CSMD1: variants seen among roughly 807,000 people sequenced by gnomAD.
CSMD1 encodes CUB and Sushi multiple domains 1.
In CSMD1, 213 loss-of-function variants were observed where a neutral mutation model predicts 417.5. The ratio of observed to expected loss-of-function variants is 0.51; its 90% CI spans 0.46 to 0.57. The LOEUF is 0.57. CSMD1 is among the 20% of genes least tolerant of loss of function. The pLI, the probability that CSMD1 is intolerant of heterozygous loss-of-function variation, is 0.00. For missense variants in CSMD1, 6,923 were observed against 4,529.7 expected, an observed-to-expected ratio of 1.53 and a Z score of -15.17; for synonymous variants, 2,862 against 1,736.8, an observed-to-expected ratio of 1.65 and a Z score of -16.11.
intron 5 of CSMD1, among the ~76,000 whole-genome samples, chr8:3,966,187 C>T (rs1812668094): frequency 6.6e-6 from 1 of 152,014 alleles, no homozygotes; most frequent in Non-Finnish European, 1.5e-5. Flanking sequence ...GTCTAAGGTA[C>T]CACGGTATAA....
intron 2 of CSMD1, among the ~76,000 whole-genome samples, chr8:4,523,979 C>G (rs1010894859): frequency 4.6e-5 from 7 of 152,072 alleles, no homozygotes; most frequent in Admixed American, 3.9e-4. Flanking sequence ...TTCCTACGCT[C>G]TCCTCAAATG....
At chr8:3,530,083 G>C (rs1056120107) in intron 10 of CSMD1, among the ~76,000 whole-genome samples, 4 of 152,084 alleles carry the variant, frequency 2.6e-5, no homozygotes, top group African/African-American at 9.7e-5. Context: ...CATAATCCAT[G>C]ACACTAAAGG....
chr8:4,133,251 A>G (rs1379114622), intron 3 of CSMD1, among the ~76,000 whole-genome samples: 3 of 152,140 alleles, frequency 2.0e-5, no homozygotes, highest in African/African-American at 4.8e-5. Context: ...ACATCTAATA[A>G]TATTATTAAG....
At chr8:3,502,062 T>C (rs1465323528) in intron 10 of CSMD1, among the ~76,000 whole-genome samples, 2 of 152,144 alleles carry the variant, frequency 1.3e-5, no homozygotes, top group Non-Finnish European at 2.9e-5. Flanking sequence ...GAAATAATCA[T>C]ATATCTTGGA....
chr8:4,440,736 C>A (rs1020823156), intron 2 of CSMD1, among the ~76,000 whole-genome samples: 9 of 152,102 alleles, frequency 5.9e-5, no homozygotes, highest in Non-Finnish European at 1.0e-4. Context: ...TGGTTCATGC[C>A]TATAATCCCA....
intron 5 of CSMD1, among the ~76,000 whole-genome samples, chr8:3,908,634 T>C (rs1465603979): frequency 1.3e-5 from 2 of 152,128 alleles, no homozygotes; most frequent in Non-Finnish European, 2.9e-5. Context: ...AAAAAATCTG[T>C]CTTATTTTTT....
At chr8:4,460,724 A>T (rs1799763147) in intron 2 of CSMD1, among the ~76,000 whole-genome samples, 1 of 152,130 alleles carries the variant, frequency 6.6e-6, no homozygotes, top group African/African-American at 2.4e-5. Flanking sequence ...AAAAATACAA[A>T]TTACCCAAAA....
At chr8:4,805,298 A>G (rs576221949) in intron 1 of CSMD1, among the ~76,000 whole-genome samples, 1 of 152,314 alleles carries the variant, frequency 6.6e-6, no homozygotes, top group Admixed American at 6.5e-5. Context: ...ATTCTATGCA[A>G]TATGCTTCAT....
chr8:4,992,679 T>C (rs918989622), intron 1 of CSMD1, among the ~76,000 whole-genome samples: 16 of 152,160 alleles, frequency 1.1e-4, no homozygotes, highest in African/African-American at 3.6e-4. Context: ...TCCCAGCCAG[T>C]CCAGTGCTGA....
intron 8 of CSMD1, among the ~76,000 whole-genome samples, chr8:3,613,737 A>ACACAAC (rs71203455): frequency 4.2e-5 from 6 of 144,372 alleles, no homozygotes; most frequent in Admixed American, 3.5e-4. Context: ...ACACACACAC[A>ACACAAC]CCTCAAAAAA....
rs150697649 is a variant in CSMD1, at chr8:4,054,004, T to C, written c.416-21905A>G. Among the ~76,000 whole-genome samples, 902 of 152,294 alleles carry C rather than the reference T, an allele frequency of 5.9e-3. 21 individuals are homozygous for C. The highest frequency in any genetic ancestry group is 0.033 in the East Asian group (172 of 5,182). Reference sequence around the variant, plus strand: ...AGGAAGTTAAGAACCTGAGATGTAATTGTTTTCCCCAACATGGCCACAGCT... The same window carrying C: ...AGGAAGTTAAGAACCTGAGATGTAACTGTTTTCCCCAACATGGCCACAGCT... On this transcript the variant is annotated intron_variant, in intron 3 of 69. Coordinates refer to ENST00000635120, the MANE Select transcript of CSMD1 (RefSeq NM_033225.6).
At position 3,938,851 on chromosome 8, in the gene CSMD1, C is replaced by T. The variant is rs527651721; in HGVS notation, c.818+59052G>A. On this transcript the variant is annotated intron_variant, in intron 5 of 69. Coordinates refer to ENST00000635120, the MANE Select transcript of CSMD1 (RefSeq NM_033225.6). ...TATCTTTATTTTAGACAAAGTAAAC[C>T]TTTTCAGAAGGCAAGTGAATCATTA... Among the ~76,000 whole-genome samples the T allele has an allele frequency of 2.0e-5, 3 of 152,138 alleles. No homozygotes were observed. In the East Asian group the frequency reaches 5.8e-4, roughly 29 times the overall value.
chr8:3,200,526 G>C (rs923531811), intron 32 of CSMD1, among the ~76,000 whole-genome samples: 6 of 151,734 alleles, frequency 4.0e-5, no homozygotes, highest in African/African-American at 1.2e-4. Flanking sequence ...CTGCACTCTA[G>C]CCTGGGCAAG....
Position 3,671,591 on chromosome 8 carries a change from ATATG to A in CSMD1, c.1009+36819_1009+36822del, listed in dbSNP as rs201479421. Among the ~76,000 whole-genome samples, 357 of 108,932 alleles carry A rather than the reference ATATG, an allele frequency of 3.3e-3. 23 individuals are homozygous for A. The highest frequency in any genetic ancestry group is 4.8e-3 in the Non-Finnish European group (254 of 52,502). 71.5% of individuals were successfully genotyped at this position (108,932 alleles called of 152,430 possible). Reference sequence around the variant, plus strand: ...TATATATATATATATATATATATATATATGATTAGTTCTATCTCTTTAGATAACC... The same window carrying A: ...TATATATATATATATATATATATATAATTAGTTCTATCTCTTTAGATAACC... On this transcript the variant is annotated intron_variant, in intron 7 of 69. Transcript: ENST00000635120.
At chr8:4,029,039 T>A (rs1442380548) in intron 4 of CSMD1, among the ~76,000 whole-genome samples, 2 of 152,156 alleles carry the variant, frequency 1.3e-5, no homozygotes, top group Admixed American at 6.5e-5. Context: ...TAACTTACAA[T>A]CACCTTATCT....
chr8:4,343,616 G>T (rs891804241), intron 3 of CSMD1, among the ~76,000 whole-genome samples: 1 of 152,066 alleles, frequency 6.6e-6, no homozygotes, highest in Non-Finnish European at 1.5e-5. Context: ...AACCCAAAAA[G>T]CAGACTATGT....
chr8:4,097,720 G>C (rs906965914), intron 3 of CSMD1, among the ~76,000 whole-genome samples: 1 of 152,160 alleles, frequency 6.6e-6, no homozygotes, highest in Admixed American at 6.5e-5. Context: ...TTCAACATAA[G>C]GTTAATACTT....
chr8:4,811,287 C>A (rs1585138591), intron 1 of CSMD1, among the ~76,000 whole-genome samples: 1 of 152,152 alleles, frequency 6.6e-6, no homozygotes, highest in African/African-American at 2.4e-5. Flanking sequence ...TTAGGAATGT[C>A]AAACCTAGTA....
At chr8:4,261,114 G>A (rs1288568853) in intron 3 of CSMD1, among the ~76,000 whole-genome samples, 2 of 152,156 alleles carry the variant, frequency 1.3e-5, no homozygotes, top group South Asian at 2.1e-4. Context: ...ATTTACACAT[G>A]TCTGTGTTTG....
Sources: allele counts gnomAD v4.1 joint callset (sites outside exome capture counted in the v4.1 genomes callset), GRCh38; gene constraint gnomAD v4.1.1; transcripts MANE v1.5; gene names NCBI Gene and HGNC (gene_info 2026-07-23, HGNC 2026-07-21).